Variants in EIF4A3 observed in about 807,000 individuals in gnomAD.
The protein encoded by EIF4A3 is eukaryotic translation initiation factor 4A3.
Under a neutral mutation model 55.6 loss-of-function variants are expected in EIF4A3, and 1 was observed. The ratio of observed to expected loss-of-function variants is 0.02; its 90% CI spans 0.01 to 0.09. EIF4A3 has a LOEUF of 0.09. Ranked by LOEUF, EIF4A3 falls within the 10% of genes least tolerant of loss-of-function variation. The pLI, the probability that EIF4A3 is intolerant of heterozygous loss-of-function variation, is 1.00. For missense variants in EIF4A3, 221 were observed against 540.7 expected (o/e 0.41, Z 5.86); for synonymous variants, 194 against 196.3 (o/e 0.99, Z 0.10).
chr17:80,143,055 T>G (rs2143998805), intron 2 of EIF4A3, among the ~76,000 whole-genome samples: 1 of 152,288 alleles, frequency 6.6e-6, no homozygotes, highest in Non-Finnish European at 1.5e-5. Context: ...ATTTCAAATT[T>G]TTTTTTAAAA....
chr17:80,143,433 T>C (rs1305163705), intron 2 of EIF4A3, among the ~76,000 whole-genome samples: 1 of 152,156 alleles, frequency 6.6e-6, no homozygotes, highest in African/African-American at 2.4e-5. Context: ...AACTGGTGTC[T>C]GAAAAGAGGG....
chr17:80,144,280 A>G, intron 1 of EIF4A3, 36 bp from the exon 2 acceptor site: 1 of 1,601,678 alleles, frequency 6.2e-7, no homozygotes, highest in Non-Finnish European at 8.6e-7. Flanking sequence ...CCTCACCACA[A>G]TGACAGCATA....
At chr17:80,144,308 G>T in intron 1 of EIF4A3, 64 bp from the exon 2 acceptor site, 2 of 1,456,300 alleles carry the variant, frequency 1.4e-6, no homozygotes, top group African/African-American at 1.4e-5. Flanking sequence ...TGTACTGTGA[G>T]CTCCTCAGGG....
rs771670148 is a variant in EIF4A3 at position 80,138,260 on chromosome 17, C to A, written c.749G>T (p.Gly250Val). 1.5e-5 allele frequency: 25 copies of A among 1,613,900 alleles called. No individual in the cohort carries two copies. Among genetic ancestry groups the A allele is most frequent in the Non-Finnish European group, 1.9e-5 (23 of 1,180,004 alleles). Residue 250 changes from glycine to valine, a missense_variant, in exon 8 of 12, where the codon GGC becomes GTC. Physicochemically the swap from Gly to Val is moderately radical, Grantham distance 109 (BLOSUM62 -3). Coordinates refer to ENST00000649764, the MANE Select transcript of EIF4A3 (RefSeq NM_014740.4). ...LVKRDELTLE[G>V]IKQFFVAVER... ...CACTGCCACGAAAAATTGCTTGATG[C>A]CTTCCAGAGTCAATTCATCACTGAA...
At chr17:80,142,504 T>C (rs745735561) in intron 2 of EIF4A3, among the ~76,000 whole-genome samples, 2 of 152,122 alleles carry the variant, frequency 1.3e-5, no homozygotes, top group Admixed American at 1.3e-4. Flanking sequence ...CCCAACACTC[T>C]GGGACGCAGA....
chr17:80,141,453 A>G, intron 3 of EIF4A3, 72 bp from the exon 4 acceptor site: 1 of 1,423,416 alleles, frequency 7.0e-7, no homozygotes, highest in East Asian at 2.3e-5. Context: ...ATTCACACTC[A>G]GATCTATATG....
chr17:80,146,455 G>A (rs1170734291), intron 1 of EIF4A3, among the ~76,000 whole-genome samples: 2 of 152,174 alleles, frequency 1.3e-5, no homozygotes, highest in Non-Finnish European at 2.9e-5. Flanking sequence ...AACCCTTCCG[G>A]TTTACCGCCA....
In EIF4A3 at chr17:80,136,083, A is replaced by G. The variant is rs1238972491; in HGVS notation, c.1140T>C (p.Phe380=). ...GGATGCGGATGTCGTCATTCTTTAC[A>G]AAGTTAATGGCCACACCCTTCCGGC... is the stretch of plus-strand genomic sequence containing the variant. The part of the protein sequence containing the change: ...RYGRKGVAIN[F]VKNDDIRILR... Residue 380 remains phenylalanine, a synonymous_variant, in exon 11 of 12, where the codon TTT becomes TTC. Coordinates refer to ENST00000649764, the MANE Select transcript of EIF4A3 (RefSeq NM_014740.4). 1.9e-6 allele frequency: 3 copies of G among 1,614,054 alleles called. No homozygotes were observed. Among genetic ancestry groups the G allele is most frequent in the Admixed American group, 1.7e-5 (1 of 60,008 alleles).
At chr17:80,136,363 A>T in intron 9 of EIF4A3, 28 bp from the exon 10 acceptor site, 1 of 1,563,764 alleles carries the variant, frequency 6.4e-7, no homozygotes, top group Non-Finnish European at 8.8e-7. Flanking sequence ...GTTTGAGGCG[A>T]TTAAATTACT....
At chr17:80,145,659 T>C (rs1454877453) in intron 1 of EIF4A3, among the ~76,000 whole-genome samples, 1 of 152,162 alleles carries the variant, frequency 6.6e-6, no homozygotes, top group Non-Finnish European at 1.5e-5. Flanking sequence ...ATGCTGGTCA[T>C]TCCCATCTAT....
Position 80,141,395 on chromosome 17 carries a change from T to G in EIF4A3, c.310-14A>C, listed in dbSNP as rs373846159. On this transcript the variant is annotated splice_polypyrimidine_tract_variant and intron_variant, in intron 3 of 11. Transcript: ENST00000649764. ...AGTTTCACGAACCTGGTGAAATAAT[T>G]TATCAGAAAATAGAGAATCCGCAGT... 1.8e-5 allele frequency: 29 copies of G among 1,612,996 alleles called. No homozygotes were observed. The African/African-American group carries it at 2.1e-4, about 12-fold the overall frequency.
At chr17:80,146,152 G>C (rs2039660889) in intron 1 of EIF4A3, among the ~76,000 whole-genome samples, 1 of 152,118 alleles carries the variant, frequency 6.6e-6, no homozygotes, top group Admixed American at 6.6e-5. Flanking sequence ...CCCACCACAG[G>C]GGACTTCTTT....
At chr17:80,139,608 CTG>C in intron 6 of EIF4A3, 60 bp downstream of exon 6, 1 of 1,431,156 alleles carries the variant, frequency 7.0e-7, no homozygotes, top group Non-Finnish European at 9.7e-7. Flanking sequence ...CAATTTTACA[CTG>C]TGAAAATTTA....
chr17:80,145,379 C>T (rs2039650674), intron 1 of EIF4A3, among the ~76,000 whole-genome samples: 1 of 152,072 alleles, frequency 6.6e-6, no homozygotes, highest in Admixed American at 6.6e-5. Context: ...GCCTGGGCAA[C>T]ATGGCAAAAT....
intron 11 of EIF4A3, chr17:80,135,768 G>C: frequency 1.6e-6 from 1 of 614,492 alleles, no homozygotes; most frequent in Non-Finnish European, 2.8e-6. Context: ...TGGTGCACGT[G>C]TCTGTAATTC....
exon 1 of EIF4A3, chr17:80,147,119 ACCTCGCTGTG>A (rs2039676352): frequency 8.6e-7 from 1 of 1,156,700 alleles, no homozygotes; most frequent in African/African-American, 1.6e-5. Flanking sequence ...GCCGCTGCCG[ACCTCGCTGTG>A]CCGCTGCCGA....
intron 4 of EIF4A3, among the ~76,000 whole-genome samples, chr17:80,140,709 C>T (rs2039610916): frequency 6.6e-6 from 1 of 152,082 alleles, no homozygotes; most frequent in Admixed American, 6.6e-5. Context: ...AATTCATAAT[C>T]CCATCCACCG....
intron 8 of EIF4A3, 149 bp from the exon 9 acceptor site, chr17:80,137,650 A>C (rs2289535): frequency 0.31 from 200,133 of 640,062 alleles, 34,045 homozygotes; most frequent in East Asian, 0.54. Flanking sequence ...ACTGGATGTA[A>C]AAACTTTTTC....
intron 8 of EIF4A3, 142 bp from the exon 9 acceptor site, chr17:80,137,643 G>A: frequency 1.5e-6 from 1 of 670,650 alleles, no homozygotes; most frequent in Non-Finnish European, 2.5e-6. Context: ...CATCCTAACT[G>A]GATGTAAAAA....
Sources: allele counts gnomAD v4.1 joint callset (sites outside exome capture counted in the v4.1 genomes callset), GRCh38; gene constraint gnomAD v4.1.1; transcripts MANE v1.5; gene names NCBI Gene and HGNC (gene_info 2026-07-23, HGNC 2026-07-21).